Variants in ENTREP2 observed in about 807,000 individuals in gnomAD.
ENTREP2 encodes the protein endosomal transmembrane epsin interactor 2.
the ENTREP2 span, among the ~76,000 whole-genome samples, chr15:29,574,181 G>A: frequency 2.0e-5 from 3 of 152,142 alleles, no homozygotes; most frequent in Admixed American, 2.0e-4. Flanking sequence ...AATCATACAT[G>A]TCCTAGTGTT....
the ENTREP2 span, among the ~76,000 whole-genome samples, chr15:29,429,062 T>G: frequency 2.6e-5 from 4 of 152,362 alleles, no homozygotes; most frequent in Admixed American, 2.6e-4. Context: ...CTGTTAATTA[T>G]CTATCTGCCT....
At chr15:29,358,386 A>C in the ENTREP2 span, among the ~76,000 whole-genome samples, 1 of 152,250 alleles carries the variant, frequency 6.6e-6, no homozygotes, top group African/African-American at 2.4e-5. Flanking sequence ...AGTAAGCAGT[A>C]CATTATTTAG....
the ENTREP2 span, among the ~76,000 whole-genome samples, chr15:29,382,849 C>A: frequency 1.3e-5 from 2 of 152,152 alleles, no homozygotes; most frequent in African/African-American, 4.8e-5. Context: ...CACCCACTAC[C>A]ATCTATCTGG....
the ENTREP2 span, among the ~76,000 whole-genome samples, chr15:29,656,457 G>A: frequency 6.6e-6 from 1 of 152,116 alleles, no homozygotes; most frequent in African/African-American, 2.4e-5. Context: ...GAACTCCTGA[G>A]TGCAGGCAAT....
chr15:29,658,528 TTGTG>T, the ENTREP2 span, among the ~76,000 whole-genome samples: 91 of 152,316 alleles, frequency 6.0e-4, no homozygotes, highest in African/African-American at 1.9e-3. Flanking sequence ...TGTATCTTGA[TTGTG>T]TGGGTGGTGG....
chr15:29,517,315 A>C, the ENTREP2 span, among the ~76,000 whole-genome samples: 1 of 152,196 alleles, frequency 6.6e-6, no homozygotes. Context: ...TAATTCTACA[A>C]GATACTGCTA....
At chr15:29,643,551 A>G in the ENTREP2 span, among the ~76,000 whole-genome samples, 3 of 152,046 alleles carry the variant, frequency 2.0e-5, no homozygotes, top group African/African-American at 7.2e-5. Flanking sequence ...GGGAGGCGGA[A>G]GCAGGTGGAT....
chr15:29,482,845 A>T, the ENTREP2 span, among the ~76,000 whole-genome samples: 1 of 152,216 alleles, frequency 6.6e-6, no homozygotes, highest in Non-Finnish European at 1.5e-5. Context: ...TAATTCATTT[A>T]GGTAAATACC....
At chr15:29,292,971 G>C in the ENTREP2 span, among the ~76,000 whole-genome samples, 1 of 152,190 alleles carries the variant, frequency 6.6e-6, no homozygotes, top group Non-Finnish European at 1.5e-5. Context: ...TAGTATTAAA[G>C]CACAATGCTG....
chr15:29,417,013 G>A, the ENTREP2 span, among the ~76,000 whole-genome samples: 1 of 152,158 alleles, frequency 6.6e-6, no homozygotes, highest in Non-Finnish European at 1.5e-5. Context: ...TGGAGAGGGT[G>A]TGGAGAAATA....
At chr15:29,483,214 T>G in the ENTREP2 span, among the ~76,000 whole-genome samples, 2 of 152,218 alleles carry the variant, frequency 1.3e-5, no homozygotes, top group Admixed American at 6.5e-5. Flanking sequence ...GGTTTAAGAG[T>G]TATTTGTATA....
the ENTREP2 span, among the ~76,000 whole-genome samples, chr15:29,573,655 C>G: frequency 6.6e-6 from 1 of 151,324 alleles, no homozygotes; most frequent in East Asian, 1.9e-4. Context: ...CCCTCTCTCT[C>G]TCCCTCTCTC....
the ENTREP2 span, among the ~76,000 whole-genome samples, chr15:29,119,760 C>T: frequency 4.0e-5 from 6 of 150,390 alleles, no homozygotes; most frequent in East Asian, 9.7e-4. Context: ...TGGCCACATC[C>T]TTGGGGAATG....
At chr15:29,309,004 A>T in the ENTREP2 span, among the ~76,000 whole-genome samples, 1 of 152,242 alleles carries the variant, frequency 6.6e-6, no homozygotes, top group South Asian at 2.1e-4. Flanking sequence ...GTATAAAAGC[A>T]TTTGTGTTTT....
chr15:29,600,077 A>G, the ENTREP2 span, among the ~76,000 whole-genome samples: 127,869 of 152,246 alleles, frequency 0.84, 53,964 homozygotes, highest in African/African-American at 0.91. Flanking sequence ...AGGTGAGGGT[A>G]GCCTCTATAC....
At chr15:29,292,058 T>G in the ENTREP2 span, among the ~76,000 whole-genome samples, 5 of 152,192 alleles carry the variant, frequency 3.3e-5, no homozygotes, top group African/African-American at 1.2e-4. Flanking sequence ...GACACTATCC[T>G]GAGTGCTATC....
the ENTREP2 span, among the ~76,000 whole-genome samples, chr15:29,282,038 G>C: frequency 6.6e-6 from 1 of 152,298 alleles, no homozygotes; most frequent in African/African-American, 2.4e-5. Flanking sequence ...AAGTCTGTAG[G>C]TTAGAAAGTC....
At chr15:29,229,951 C>A in the ENTREP2 span, among the ~76,000 whole-genome samples, 1 of 138,162 alleles carries the variant, frequency 7.2e-6, no homozygotes, top group Admixed American at 7.8e-5. Context: ...AAAGACACTT[C>A]AAACTTAACA....
the ENTREP2 span, among the ~76,000 whole-genome samples, chr15:29,165,137 C>T: frequency 6.6e-6 from 1 of 152,020 alleles, no homozygotes; most frequent in African/African-American, 2.4e-5. Flanking sequence ...ACAATAATGA[C>T]ACAACCTACC....
Sources: gnomAD v4.1 joint callset for allele counts (sites outside exome capture counted in the v4.1 genomes callset) on GRCh38, gnomAD v4.1.1 for gene constraint, MANE v1.5 for transcripts, NCBI Gene and HGNC (gene_info 2026-07-23, HGNC 2026-07-21) for gene names.